Variants in ATP11C observed in about 807,000 individuals in gnomAD.
ATP11C encodes ATPase phospholipid transporting 11C (ATP11C blood group).
ATP11C carries 36 observed loss-of-function variants against 97.4 expected under a neutral mutation model. That is an observed-to-expected ratio of 0.37 (90% CI 0.28 to 0.49). The LOEUF is 0.49. ATP11C is among the 20% of genes least tolerant of loss of function. The pLI is 0.98. For missense variants in ATP11C, 730 were observed against 824.6 expected (o/e 0.89, Z 1.40); for synonymous variants, 275 against 290.9 (o/e 0.95, Z 0.56).
At position 139,768,286 on chromosome X, in the gene ATP11C, G is replaced by T. The variant is rs747568820; in HGVS notation, c.2365C>A (p.Arg789=). ...TGGGCTTTCTGTAATGGTGCCATCC[G>T]ACAGCAGAGCACTGCAGTACACTTC... ...CMKCTAVLCC[R]MAPLQKAQIV... Residue 789 remains arginine, a synonymous_variant, in exon 20 of 30, where the codon CGG becomes AGG. Coordinates refer to ENST00000682941, the MANE Select transcript of ATP11C (RefSeq NM_001353812.2). 8.9e-7 allele frequency: 1 copy of T among 1,125,817 alleles called. No individual in the cohort carries two copies. The highest frequency in any genetic ancestry group is 1.2e-6 in the Non-Finnish European group (1 of 848,819). The allele number at this position is 1,125,817 out of a possible 1,213,427, so 92.8% of individuals were successfully genotyped here.
chrX:139,892,325 T>C (rs1246742751), intron 1 of ATP11C, among the ~76,000 whole-genome samples: 3 of 111,249 alleles, frequency 2.7e-5, no homozygotes, highest in East Asian at 5.6e-4. Context: ...CAAGAGCACA[T>C]TACTAGAAAA....
intron 1 of ATP11C, among the ~76,000 whole-genome samples, chrX:139,862,599 T>C (rs998498233): frequency 3.6e-5 from 4 of 111,775 alleles, no homozygotes; most frequent in African/African-American, 9.8e-5. Flanking sequence ...GCAGAGCTGA[T>C]TTGAGAGTTT....
intron 18 of ATP11C, among the ~76,000 whole-genome samples, chrX:139,777,166 A>G (rs944901658): frequency 9.0e-6 from 1 of 111,259 alleles, no homozygotes; most frequent in Admixed American, 9.6e-5. Flanking sequence ...TACCTCTGTA[A>G]TAATACAGGC....
chrX:139,739,751 A>G (rs1411862710), intron 27 of ATP11C, among the ~76,000 whole-genome samples: 1 of 111,494 alleles, frequency 9.0e-6, no homozygotes, highest in Non-Finnish European at 1.9e-5. Flanking sequence ...ATTTTGCATA[A>G]TTAGTTCAGA....
chrX:139,758,157 A>G (rs778738283), intron 22 of ATP11C, among the ~76,000 whole-genome samples: 48 of 112,246 alleles, frequency 4.3e-4, no homozygotes, highest in African/African-American at 1.3e-3. Context: ...ATGAACACCT[A>G]ATGATACTGT....
intron 1 of ATP11C, among the ~76,000 whole-genome samples, chrX:139,894,451 A>C (rs893717868): frequency 1.8e-5 from 2 of 112,102 alleles, no homozygotes; most frequent in African/African-American, 6.5e-5. Context: ...GATCTCATGA[A>C]GATAGAGAGT....
chrX:139,816,448 C>A (rs904992319), intron 4 of ATP11C, among the ~76,000 whole-genome samples: 2 of 112,042 alleles, frequency 1.8e-5, no homozygotes, highest in African/African-American at 6.5e-5. Flanking sequence ...CTACTACCCC[C>A]TGAAGCAGTA....
intron 5 of ATP11C, among the ~76,000 whole-genome samples, chrX:139,813,696 T>C (rs1447018872): frequency 9.0e-6 from 1 of 111,242 alleles, no homozygotes; most frequent in Non-Finnish European, 1.9e-5. Flanking sequence ...ATATGTGACA[T>C]CCTAGGAAAG....
chrX:139,820,139 T>A (rs1035248108), intron 2 of ATP11C, among the ~76,000 whole-genome samples: 1 of 108,541 alleles, frequency 9.2e-6, no homozygotes, highest in Non-Finnish European at 1.9e-5. Flanking sequence ...TCAGCCAAGA[T>A]CTCACTACTG....
intron 12 of ATP11C, among the ~76,000 whole-genome samples, chrX:139,791,450 G>A (rs1398813259): frequency 9.0e-6 from 1 of 111,648 alleles, no homozygotes; most frequent in African/African-American, 3.3e-5. Flanking sequence ...TATGAATCTG[G>A]ATACGTTGAA....
intron 1 of ATP11C, among the ~76,000 whole-genome samples, chrX:139,846,466 G>A (rs1486984553): frequency 9.0e-6 from 1 of 111,688 alleles, no homozygotes; most frequent in Non-Finnish European, 1.9e-5. Context: ...CATTAAGTAT[G>A]CAATCCATTG....
intron 19 of ATP11C, among the ~76,000 whole-genome samples, chrX:139,770,425 G>T (rs1486154663): frequency 1.8e-5 from 2 of 112,161 alleles, no homozygotes; most frequent in Non-Finnish European, 3.8e-5. Flanking sequence ...TGCAAAAGCA[G>T]GTTGAAAAGG....
At chrX:139,818,692 A>G (rs1217762322) in intron 3 of ATP11C, among the ~76,000 whole-genome samples, 1 of 112,342 alleles carries the variant, frequency 8.9e-6, no homozygotes, top group East Asian at 2.8e-4. Context: ...AGCAACTTCA[A>G]TGGGATTTTT....
chrX:139,777,287 A>G (rs929594058), intron 18 of ATP11C, among the ~76,000 whole-genome samples: 8 of 110,631 alleles, frequency 7.2e-5, no homozygotes, highest in Non-Finnish European at 1.5e-4. Flanking sequence ...GAAACCAGAA[A>G]AATGATTCAG....
intron 1 of ATP11C, among the ~76,000 whole-genome samples, chrX:139,865,752 C>A (rs920832434): frequency 1.4e-4 from 16 of 110,825 alleles, no homozygotes; most frequent in East Asian, 2.8e-4. Flanking sequence ...CAGAGCGAGA[C>A]CCTGTCCCCA....
At chrX:139,871,667 T>C (rs752469687) in intron 1 of ATP11C, among the ~76,000 whole-genome samples, 2 of 108,504 alleles carry the variant, frequency 1.8e-5, no homozygotes, top group East Asian at 2.9e-4. Context: ...ACTACACGTG[T>C]GTGCCACCAC....
chrX:139,819,310 G>T (rs765535272), intron 3 of ATP11C, 28 bp downstream of exon 3: 8 of 751,816 alleles, frequency 1.1e-5, no homozygotes, highest in Middle Eastern at 4.0e-4. Context: ...GTTTCTAAAA[G>T]TTAAGTGGCT....
intron 1 of ATP11C, 114 bp downstream of exon 1, chrX:139,931,902 G>A (rs2085441827): frequency 1.1e-6 from 1 of 900,343 alleles, no homozygotes; most frequent in East Asian, 4.1e-5. Flanking sequence ...AAGAGGGGTG[G>A]TGGTGTCTCC....
chrX:139,878,628 C>A (rs942816259), intron 1 of ATP11C, among the ~76,000 whole-genome samples: 1 of 111,359 alleles, frequency 9.0e-6, no homozygotes, highest in South Asian at 3.7e-4. Context: ...GTGTAAAATG[C>A]TATAATGGAC....
Sources: allele counts gnomAD v4.1 joint callset (sites outside exome capture counted in the v4.1 genomes callset), GRCh38; gene constraint gnomAD v4.1.1; transcripts MANE v1.5; gene names NCBI Gene and HGNC (gene_info 2026-07-23, HGNC 2026-07-21).